The following PDE10A variants were observed in gnomAD, a reference collection of about 807,000 sequenced individuals.
PDE10A encodes cAMP and cAMP-inhibited cGMP 3',5'-cyclic phosphodiesterase 10A.
A neutral mutation model predicts 97.7 loss-of-function variants in PDE10A; 39 were observed. That is an observed-to-expected ratio of 0.40 (90% confidence interval 0.31 to 0.52). PDE10A has a LOEUF of 0.52. Ranked by LOEUF, PDE10A falls within the 20% of genes least tolerant of loss-of-function variation. PDE10A has a pLI of 0.56. For missense variants in PDE10A, 731 were observed against 1,047.8 expected (o/e 0.70, Z 4.17); for synonymous variants, 371 against 376.8 (o/e 0.98, Z 0.18).
chr6:165,946,048 C>T (rs1004093741), intron 1 of PDE10A, among the ~76,000 whole-genome samples: 1 of 137,994 alleles, frequency 7.2e-6, no homozygotes. Context: ...CTTTTGTTGC[C>T]TGTGCTTTTG....
chr6:165,879,959 A>G (rs914380739), intron 1 of PDE10A, among the ~76,000 whole-genome samples: 2 of 152,122 alleles, frequency 1.3e-5, no homozygotes, highest in Non-Finnish European at 2.9e-5. Context: ...AAAGTTGGGA[A>G]ATTTATCCTA....
In PDE10A at chr6:165,332,692, C is replaced by T. The variant is rs1165779497; in HGVS notation, c.*333G>A. ...ATTAGAAAGATACAATGGAAAAGTA[C>T]CCCTTCTGGATAATTTTTGTCCATT... On this transcript the variant is annotated 3_prime_UTR_variant, in exon 22 of 22. Coordinates refer to ENST00000539869, the MANE Select transcript of PDE10A (RefSeq NM_001385079.1). 1 of 270,064 alleles carries T rather than the reference C, an allele frequency of 3.7e-6. No individual in the cohort carries two copies. The highest frequency in any genetic ancestry group is 5.2e-5 in the Admixed American group (1 of 19,254). 16.7% of individuals were successfully genotyped at this position (270,064 alleles called of 1,614,324 possible). A position where few individuals can be genotyped will look rare whatever the true frequency, so the allele number is the denominator to read the frequency against.
At chr6:165,587,936 C>T (rs972672197) in intron 1 of PDE10A, among the ~76,000 whole-genome samples, 1 of 152,148 alleles carries the variant, frequency 6.6e-6, no homozygotes, top group African/African-American at 2.4e-5. Context: ...ATCTAGCAAC[C>T]AAAGCAAGAT....
chr6:165,489,510 A>G (rs1780104111), intron 2 of PDE10A, among the ~76,000 whole-genome samples: 1 of 152,170 alleles, frequency 6.6e-6, no homozygotes, highest in African/African-American at 2.4e-5. Context: ...GGAACCAGAG[A>G]AACAATTCTG....
At position 165,793,485 on chromosome 6, in the gene PDE10A, G is replaced by A. The variant is rs188186942; in HGVS notation, c.-615+194044C>T. On this transcript the variant is annotated intron_variant, in intron 1 of 19. Coordinates refer to the PDE10A transcript ENST00000366882. ...TCCCTGCTGCCTGAGACCCGGGGCT[G>A]GGGGGCGTGGGGTGCAACTGCACAC... Among the ~76,000 whole-genome samples, 495 of 152,190 alleles carry A rather than the reference G, an allele frequency of 3.3e-3. 2 individuals carry two copies. The highest frequency in any genetic ancestry group is 0.02 in the Middle Eastern group (6 of 294).
intron 1 of PDE10A, among the ~76,000 whole-genome samples, chr6:165,822,447 G>A (rs1030824177): frequency 6.6e-6 from 1 of 150,868 alleles, no homozygotes; most frequent in Non-Finnish European, 1.5e-5. Context: ...ACACACCTGG[G>A]CTGGATGGCA....
intron 10 of PDE10A, among the ~76,000 whole-genome samples, chr6:165,419,488 T>G (rs1057359943): frequency 6.6e-6 from 1 of 152,198 alleles, no homozygotes; most frequent in African/African-American, 2.4e-5. Context: ...CTTGCCCCAT[T>G]ATTACATGAA....
chr6:165,431,498 T>C (rs376155490), intron 7 of PDE10A, 26 bp from the exon 8 acceptor site: 5 of 1,387,160 alleles, frequency 3.6e-6, no homozygotes, highest in Non-Finnish European at 5.1e-6. Flanking sequence ...AATACATACC[T>C]ATAAGTAATA....
chr6:165,513,394 A>T (rs949934253), intron 2 of PDE10A, among the ~76,000 whole-genome samples: 1 of 152,108 alleles, frequency 6.6e-6, no homozygotes, highest in African/African-American at 2.4e-5. Flanking sequence ...ATCGATTTGT[A>T]TGCCTATCTC....
intron 1 of PDE10A, among the ~76,000 whole-genome samples, chr6:165,914,295 G>T (rs996012544): frequency 3.3e-5 from 5 of 152,136 alleles, no homozygotes; most frequent in African/African-American, 1.2e-4. Context: ...TTTCCTCCTG[G>T]GTACACCCAC....
chr6:165,573,230 T>C (rs541998345), intron 1 of PDE10A, among the ~76,000 whole-genome samples: 15 of 152,076 alleles, frequency 9.9e-5, no homozygotes, highest in African/African-American at 3.6e-4. Flanking sequence ...GCGCAGACTT[T>C]TCACTATGAT....
intron 1 of PDE10A, among the ~76,000 whole-genome samples, chr6:165,723,413 A>T (rs1206803657): frequency 2.6e-5 from 4 of 152,210 alleles, no homozygotes; most frequent in Non-Finnish European, 5.9e-5. Context: ...TTATATTTAC[A>T]ACGTGACTGT....
intron 1 of PDE10A, among the ~76,000 whole-genome samples, chr6:165,584,803 C>T (rs1785814400): frequency 6.6e-6 from 1 of 152,122 alleles, no homozygotes; most frequent in Non-Finnish European, 1.5e-5. Flanking sequence ...ACCCAGGCCC[C>T]TCAGGAATGA....
chr6:165,683,656 G>A (rs571209214), intron 1 of PDE10A, among the ~76,000 whole-genome samples: 1 of 152,262 alleles, frequency 6.6e-6, no homozygotes, highest in East Asian at 1.9e-4. Flanking sequence ...CTGACCGTGT[G>A]AGGTAGGCTT....
At chr6:165,509,949 C>T (rs1781418432) in intron 2 of PDE10A, among the ~76,000 whole-genome samples, 1 of 151,862 alleles carries the variant, frequency 6.6e-6, no homozygotes, top group East Asian at 1.9e-4. Context: ...ACTGTATTTG[C>T]TTATTAGCTC....
intron 3 of PDE10A, among the ~76,000 whole-genome samples, chr6:165,460,507 T>C (rs1778255978): frequency 6.6e-6 from 1 of 152,180 alleles, no homozygotes; most frequent in South Asian, 2.1e-4. Flanking sequence ...GTCCTACTTG[T>C]GAAATAACTA....
At chr6:165,794,145 T>C (rs1778748298) in intron 1 of PDE10A, among the ~76,000 whole-genome samples, 1 of 149,606 alleles carries the variant, frequency 6.7e-6, no homozygotes, top group African/African-American at 2.5e-5. Flanking sequence ...TCACACTCAC[T>C]CACACACACT....
intron 1 of PDE10A, among the ~76,000 whole-genome samples, chr6:165,788,518 C>CAAAAAAAAAAAAAAAAAAAAAAAA (rs56927613): frequency 5.4e-5 from 4 of 74,762 alleles, no homozygotes; most frequent in Admixed American, 1.9e-4. Flanking sequence ...AACTCTGTCT[C>CAAAAAAAAAAAAAAAAAAAAAAAA]AAAAAAAAAA....
chr6:165,679,074 G>C, intron 1 of PDE10A, among the ~76,000 whole-genome samples: 1 of 152,206 alleles, frequency 6.6e-6, no homozygotes, highest in East Asian at 1.9e-4. Flanking sequence ...GACATTTAAA[G>C]TACTCAACAG....
Sources: gnomAD v4.1 joint callset for allele counts (sites outside exome capture counted in the v4.1 genomes callset) on GRCh38, gnomAD v4.1.1 for gene constraint, MANE v1.5 for transcripts, NCBI Gene and HGNC (gene_info 2026-07-23, HGNC 2026-07-21) for gene names.